FLT1: variants seen among roughly 807,000 people sequenced by gnomAD.
FLT1 encodes the protein fms related receptor tyrosine kinase 1, also known as vascular endothelial growth factor receptor 1.
In FLT1, 49 loss-of-function variants were observed where a neutral mutation model predicts 156.3. The ratio of observed to expected loss-of-function variants is 0.31; its 90% CI spans 0.25 to 0.40. The LOEUF (loss-of-function observed/expected upper bound fraction) is 0.40, where lower values mean the gene tolerates loss of function less well. Ranked by LOEUF, FLT1 falls within the 10% of genes least tolerant of loss-of-function variation. FLT1 has a pLI of 1.00. For synonymous variants in FLT1, 594 were observed against 583.8 expected, an observed-to-expected ratio of 1.02 and a Z score of -0.25; for missense variants, 1,322 against 1,637.2, an observed-to-expected ratio of 0.81 and a Z score of 3.32.
At chr13:28,489,615 G>A (rs1370503926) in intron 1 of FLT1, among the ~76,000 whole-genome samples, 1 of 152,186 alleles carries the variant, frequency 6.6e-6, no homozygotes, top group Non-Finnish European at 1.5e-5. Flanking sequence ...GAGACACAGA[G>A]GGAGGGAAAA....
intron 6 of FLT1, among the ~76,000 whole-genome samples, chr13:28,433,006 C>T (rs9513113): frequency 0.43 from 64,861 of 151,992 alleles, 14,049 homozygotes; most frequent in East Asian, 0.52. Flanking sequence ...CGAGAAATGT[C>T]GATGAAAAAC....
intron 10 of FLT1, among the ~76,000 whole-genome samples, chr13:28,412,307 CTCTT>C (rs958476857): frequency 0.04 from 2,156 of 53,280 alleles, 114 homozygotes; most frequent in East Asian, 0.072. Flanking sequence ...TTTTCTCTTT[CTCTT>C]TCTTTCTTTC....
intron 12 of FLT1, 72 bp downstream of exon 12, chr13:28,396,888 A>T: frequency 1.1e-6 from 1 of 914,466 alleles, no homozygotes; most frequent in Non-Finnish European, 1.8e-6. Flanking sequence ...CTATAAATGC[A>T]CTAAAAGCAA....
chr13:28,371,262 A>G (rs1415586130), intron 14 of FLT1, among the ~76,000 whole-genome samples: 3 of 152,210 alleles, frequency 2.0e-5, no homozygotes, highest in Non-Finnish European at 4.4e-5. Flanking sequence ...AACTTATACC[A>G]TATGCTTATA....
chr13:28,340,375 A>G (rs17086586), intron 16 of FLT1, among the ~76,000 whole-genome samples: 2,382 of 152,304 alleles, frequency 0.016, 62 homozygotes, highest in African/African-American at 0.054. Flanking sequence ...AATGCAAATC[A>G]AGCCCAGAAA....
chr13:28,451,744 C>T (rs1302490920), intron 3 of FLT1, among the ~76,000 whole-genome samples: 1 of 152,222 alleles, frequency 6.6e-6, no homozygotes, highest in Non-Finnish European at 1.5e-5. Flanking sequence ...CTCTAGGGCT[C>T]AGCTTCCTCA....
intron 25 of FLT1, among the ~76,000 whole-genome samples, chr13:28,316,114 C>T (rs57365847): frequency 0.013 from 2,026 of 152,310 alleles, 45 homozygotes; most frequent in African/African-American, 0.046. Flanking sequence ...GATGAGGACA[C>T]CACGCACCAG....
At chr13:28,319,277 TGA>T (rs1871339582) in intron 24 of FLT1, 144 bp downstream of exon 24, 1 of 679,314 alleles carries the variant, frequency 1.5e-6, no homozygotes, top group African/African-American at 1.8e-5. Context: ...ATTACTCATC[TGA>T]GAGTCTACAT....
intron 14 of FLT1, among the ~76,000 whole-genome samples, chr13:28,382,466 C>T (rs996032626): frequency 2.6e-5 from 4 of 152,200 alleles, no homozygotes; most frequent in Admixed American, 6.5e-5. Context: ...GATTCTTGAA[C>T]TTCATCGAAG....
chr13:28,389,800 G>A lies in FLT1; in HGVS notation c.1965C>T (p.Ile655=). The change falls in exon 13 of 30, where the codon ATC becomes ATT. Residue 655 remains isoleucine (I), a synonymous_variant. Coordinates refer to ENST00000282397, the MANE Select transcript of FLT1 (RefSeq NM_002019.4). Reference sequence around the variant, plus strand: ...CCTTTTTGTTGCAGTGCTCACCTCTGATTGTAATTTCTTTCTTCTGGAGGA... The same window carrying A: ...CCTTTTTGTTGCAGTGCTCACCTCTAATTGTAATTTCTTTCTTCTGGAGGA... ...EEILQKKEIT[I]RDQEAPYLLR... is the part of the protein sequence containing the mutation. The A allele has an allele frequency of 6.2e-7, 1 of 1,614,148 alleles. No individual in the cohort carries two copies. The highest frequency in any genetic ancestry group is 2.2e-5 in the East Asian group (1 of 44,876).
chr13:28,429,700 AG>A (rs1877558742), intron 8 of FLT1, among the ~76,000 whole-genome samples: 1 of 152,198 alleles, frequency 6.6e-6, no homozygotes, highest in South Asian at 2.1e-4. Context: ...CAGGGTTAAT[AG>A]AGCATGTTAC....
At position 28,302,892 on chromosome 13, in the gene FLT1, A is replaced by G; in HGVS notation, c.*275T>C. 1 of 483,344 alleles carries G rather than the reference A, an allele frequency of 2.1e-6. No homozygotes were observed. Among genetic ancestry groups the G allele is most frequent in the Non-Finnish European group, 3.8e-6 (1 of 265,764 alleles). The allele number at this position is 483,344 out of a possible 1,614,324, so 29.9% of individuals were successfully genotyped here. On this transcript the variant is annotated 3_prime_UTR_variant, in exon 30 of 30. Transcript: ENST00000282397. ...CGTGCCCTGAGGTGGCGGGGGTTGG[A>G]GCAGGGAAGTCATTGGGTTTAGGAA...
In FLT1 at chr13:28,431,190, G is replaced by A. The variant is rs759189221; in HGVS notation, c.934C>T (p.Arg312Cys). 2.7e-5 allele frequency: 44 copies of A among 1,613,526 alleles called. No individual in the cohort carries two copies. The highest frequency in any genetic ancestry group is 6.7e-5 in the Admixed American group (4 of 59,994). Residue 312 changes from arginine to cysteine, a missense_variant, in exon 7 of 30, where the codon CGT becomes TGT. Physicochemically the swap from Arg to Cys is radical, Grantham distance 180. Coordinates refer to ENST00000282397, the MANE Select transcript of FLT1 (RefSeq NM_002019.4). ...TTGAATGATGGTCCACTCCTTACAC[G>A]ACAAGTATAAAGTCCTTTGTCTTTG... ...QNKDKGLYTCRVRSGPSFKSV... is the reference protein window; with the variant it reads ...QNKDKGLYTCCVRSGPSFKSV...
chr13:28,301,649 A>G lies in FLT1; in HGVS notation c.*1518T>C, dbSNP rs1485488974. ...CTGACTGGCTGCAGAAGGTGCAGACATCATAAATACATAGACCCTAACTTG... is the reference window on the plus strand; with the variant it reads ...CTGACTGGCTGCAGAAGGTGCAGACGTCATAAATACATAGACCCTAACTTG... On this transcript the variant is annotated 3_prime_UTR_variant, in exon 30 of 30. Transcript: ENST00000282397. 1 of 233,228 alleles carries G rather than the reference A, an allele frequency of 4.3e-6. No homozygotes were observed. The highest frequency in any genetic ancestry group is 6.0e-5 in the East Asian group (1 of 16,536). The allele number at this position is 233,228 out of a possible 1,614,324, so 14.4% of individuals were successfully genotyped here.
chr13:28,438,482 C>A (rs916404359), intron 3 of FLT1, 137 bp from the exon 4 acceptor site: 10 of 710,832 alleles, frequency 1.4e-5, no homozygotes, highest in Non-Finnish European at 2.2e-5. Context: ...ACATTCACAT[C>A]TTTGTCTCTG....
At chr13:28,361,044 C>G (rs1251984848) in intron 14 of FLT1, among the ~76,000 whole-genome samples, 1 of 151,818 alleles carries the variant, frequency 6.6e-6, no homozygotes, top group African/African-American at 2.4e-5. Context: ...TTGTGGGAGG[C>G]CGAGGTGGGT....
Position 28,431,138 on chromosome 13 carries a change from T to C in FLT1, c.986A>G (p.Tyr329Cys), listed in dbSNP as rs2137546483. 2.5e-6 allele frequency: 4 copies of C among 1,611,560 alleles called. No homozygotes were observed. The highest frequency in any genetic ancestry group is 3.4e-6 in the Non-Finnish European group (4 of 1,177,672). The change falls in exon 7 of 30, where the codon TAT becomes TGT. Residue 329 changes from tyrosine to cysteine, a missense_variant and splice_region_variant. This residue lies in a region of FLT1 where 991 missense variants were observed against 1,254.8 expected (regional missense o/e 0.79). Coordinates refer to ENST00000282397, the MANE Select transcript of FLT1 (RefSeq NM_002019.4). ...TGGCAACGCTGAACTATGCTTACCA[T>C]ATATATGCACTGAGGTGTTAACAGA... is the stretch of plus-strand genomic sequence containing the variant. ...FKSVNTSVHI[Y>C]DKAFITVKHR...
chr13:28,322,135 A>G lies in FLT1; in HGVS notation c.3051+127T>C. ...TCCTCATATCAAGGCAAATTAAGGC[A>G]CTTGCAGTGGTGTTTGTTCTACATT... On this transcript the variant is annotated intron_variant, in intron 22 of 29. Transcript: ENST00000282397. This position sits in a 1 kb window ranked among gnomAD's most constrained non-coding sequence, Gnocchi z 4.3. 1 of 719,146 alleles carries G rather than the reference A, an allele frequency of 1.4e-6. No homozygotes were observed. 44.5% of individuals were successfully genotyped at this position (719,146 alleles called of 1,614,324 possible).
intron 10 of FLT1, among the ~76,000 whole-genome samples, chr13:28,424,911 A>G (rs1055991554): frequency 2.0e-5 from 3 of 152,236 alleles, no homozygotes; most frequent in Admixed American, 2.0e-4. Flanking sequence ...GTCTAAGTGT[A>G]TATAAATATG....
Sources: allele counts gnomAD v4.1 joint callset (sites outside exome capture counted in the v4.1 genomes callset), GRCh38; gene constraint gnomAD v4.1.1; regional missense constraint gnomAD v4.1.1; non-coding constraint Gnocchi (gnomAD v3.1); transcripts MANE v1.5; gene names NCBI Gene and HGNC (gene_info 2026-07-23, HGNC 2026-07-21).